MTOR: variants seen among roughly 807,000 people sequenced by gnomAD.
MTOR encodes serine/threonine-protein kinase mTOR.
In MTOR, 70 loss-of-function variants were observed where a neutral mutation model predicts 319.8. The observed-to-expected ratio is 0.22, with a 90% CI of 0.18 to 0.27. MTOR has a LOEUF of 0.27. Among genes scored for constraint, MTOR ranks in the 10% least tolerant of loss-of-function variants. MTOR has a pLI of 1.00. For synonymous variants in MTOR, 1,183 were observed against 1,211.4 expected (o/e 0.98, Z 0.49); for missense variants, 1,890 against 3,274.4 (o/e 0.58, Z 10.32).
chr1:11,260,038 G>C (rs991698848), intron 1 of MTOR, among the ~76,000 whole-genome samples: 1 of 152,154 alleles, frequency 6.6e-6, no homozygotes, highest in Admixed American at 6.5e-5. Flanking sequence ...GACTTAATAC[G>C]TGTCAAAAAG....
chr1:11,200,487 C>T (rs1323275751), intron 26 of MTOR, among the ~76,000 whole-genome samples: 1 of 152,170 alleles, frequency 6.6e-6, no homozygotes, highest in Non-Finnish European at 1.5e-5. Context: ...CCATCCCTTA[C>T]ATCTAACATT....
chr1:11,256,933 A>G lies in MTOR; in HGVS notation c.504T>C (p.Ala168=). 6.2e-7 allele frequency: 1 copy of G among 1,612,996 alleles called. No homozygotes were observed. Among genetic ancestry groups the G allele is most frequent in the South Asian group, 1.1e-5 (1 of 90,786 alleles). The change falls in exon 4 of 58, where the codon GCT becomes GCC. Residue 168 remains alanine (A), a splice_region_variant and synonymous_variant. Transcript: ENST00000361445. ...ADRNEGRRHA[A]VLVLRELAIS... ...TGTGCTCCTCCCTGTAGACACTCAC[A>G]GCTGCATGTCTCCGGCCCTCATTGC...
In MTOR at chr1:11,232,924, C is replaced by T. The variant is rs575085640; in HGVS notation, c.2422-396G>A. The stretch of plus-strand genomic sequence containing the variant: ...TTTTAAAAAAGCCCTCTCTTCCTTT[C>T]TCCACCATCATGGTGTGTGCCTGAC... On this transcript the variant is annotated intron_variant, in intron 15 of 57. Transcript: ENST00000361445. 1.3e-5 allele frequency: 9 copies of T among 670,318 alleles called. No homozygotes were observed. The Admixed American group carries it at 1.6e-4, about 12-fold the overall frequency. The allele number at this position is 670,318 out of a possible 1,614,324, so 41.5% of individuals were successfully genotyped here. A position where few individuals can be genotyped will look rare whatever the true frequency, so the allele number is the denominator to read the frequency against.
intron 34 of MTOR, among the ~76,000 whole-genome samples, chr1:11,142,095 T>C (rs377304666): frequency 6.6e-6 from 1 of 152,118 alleles, no homozygotes; most frequent in Admixed American, 6.6e-5. Flanking sequence ...CTAACAACTA[T>C]AGAGAGTCAG....
At chr1:11,259,563 A>T in intron 1 of MTOR, 140 bp from the exon 2 acceptor site, 1 of 882,856 alleles carries the variant, frequency 1.1e-6, no homozygotes, top group East Asian at 2.8e-5. Context: ...GATCTGATTG[A>T]GGAACATTTA....
chr1:11,192,905 T>C (rs1571124534), intron 28 of MTOR, among the ~76,000 whole-genome samples: 2 of 152,104 alleles, frequency 1.3e-5, no homozygotes, highest in African/African-American at 4.8e-5. Flanking sequence ...CCTTCTAACA[T>C]AGATCAGATC....
chr1:11,146,826 G>C, intron 31 of MTOR, 35 bp from the exon 32 acceptor site: 2 of 1,538,582 alleles, frequency 1.3e-6, no homozygotes, highest in Non-Finnish European at 1.8e-6. Flanking sequence ...AGCATCAAGG[G>C]GGTTGGCTGG....
intron 51 of MTOR, 35 bp from the exon 52 acceptor site, chr1:11,114,922 G>A (rs1557740046): frequency 6.3e-7 from 1 of 1,596,518 alleles, no homozygotes; most frequent in Non-Finnish European, 8.6e-7. Flanking sequence ...CCAAATCAAT[G>A]TTTATTTTCT....
intron 11 of MTOR, among the ~76,000 whole-genome samples, chr1:11,239,017 G>A (rs112895143): frequency 0.011 from 1,589 of 150,620 alleles, 37 homozygotes; most frequent in African/African-American, 0.037. Context: ...CTTGTGATCC[G>A]CCCGCCTCGG....
At position 11,117,024 on chromosome 1, in the gene MTOR, A is replaced by G. The variant is rs772779078; in HGVS notation, c.6996T>C (p.Tyr2332=). The change falls in exon 50 of 58, where the codon TAT becomes TAC. Residue 2332 remains tyrosine, a synonymous_variant. Coordinates refer to ENST00000361445, the MANE Select transcript of MTOR (RefSeq NM_004958.4). ...CTCACCTATCTCCCAGGCCTAAAAT[A>G]TACCCAACCATTGACATGACCGCTA... is the stretch of plus-strand genomic sequence containing the variant. The part of the protein sequence containing the change: ...RSLAVMSMVG[Y]ILGLGDRHPS... 1.2e-6 allele frequency: 2 copies of G among 1,612,900 alleles called. No individual in the cohort carries two copies. Among genetic ancestry groups the G allele is most frequent in the East Asian group, 4.5e-5 (2 of 44,872 alleles).
chr1:11,129,505 C>T lies in MTOR; in HGVS notation c.5714+233G>A. On this transcript the variant is annotated intron_variant, in intron 40 of 57. Coordinates refer to ENST00000361445, the MANE Select transcript of MTOR (RefSeq NM_004958.4). The surrounding 1 kb of genome is among the most constrained non-coding windows in gnomAD (Gnocchi z 4.7). Reference sequence around the variant, plus strand: ...GGTTAATAATCCCTCCATAATAAACCACACATGGAGAGTTCTCACTCCACT... The same window carrying T: ...GGTTAATAATCCCTCCATAATAAACTACACATGGAGAGTTCTCACTCCACT... Among the ~76,000 whole-genome samples, 1 of 152,168 alleles carries T rather than the reference C, an allele frequency of 6.6e-6. No homozygotes were observed. Among genetic ancestry groups the T allele is most frequent in the East Asian group, 1.9e-4 (1 of 5,192 alleles).
At chr1:11,249,735 G>A (rs1316103063) in intron 6 of MTOR, among the ~76,000 whole-genome samples, 1 of 143,658 alleles carries the variant, frequency 7.0e-6, no homozygotes, top group Non-Finnish European at 1.5e-5. Flanking sequence ...AGGGTTGGGG[G>A]TAAGGTCACA....
intron 49 of MTOR, among the ~76,000 whole-genome samples, chr1:11,117,311 C>T (rs1642221968): frequency 6.6e-6 from 1 of 152,182 alleles, no homozygotes; most frequent in South Asian, 2.1e-4. Context: ...CAGGCACCCG[C>T]CACCATGCCC....
rs376328806 is a variant in MTOR, at chr1:11,148,587, TCTC to T, written c.4570+1536_4570+1538del. On this transcript the variant is annotated intron_variant, in intron 31 of 57. Coordinates refer to ENST00000361445, the MANE Select transcript of MTOR (RefSeq NM_004958.4). ...CTGGATGCAGGAACCTAAAGAGACT[TCTC>T]CTCATCTCTCTTTAAAACAAAAAAA... Among the ~76,000 whole-genome samples, 645 of 152,148 alleles carry T rather than the reference TCTC, an allele frequency of 4.2e-3. 6 individuals carry two copies. Among genetic ancestry groups the T allele is most frequent in the African/African-American group, 0.015 (608 of 41,498 alleles).
intron 29 of MTOR, among the ~76,000 whole-genome samples, chr1:11,166,501 C>T (rs1221494502): frequency 6.6e-6 from 1 of 152,168 alleles, no homozygotes; most frequent in Non-Finnish European, 1.5e-5. Context: ...AAAAAATGCT[C>T]ATCACTGGCC....
chr1:11,201,274 T>C (rs1349149981), intron 26 of MTOR, among the ~76,000 whole-genome samples: 9 of 152,162 alleles, frequency 5.9e-5, no homozygotes, highest in South Asian at 2.1e-4. Context: ...AAGCCTCTCA[T>C]GGATAACACT....
chr1:11,234,182 G>T lies in MTOR; in HGVS notation c.2292C>A (p.Ala764=), dbSNP rs1185550432. 2 of 1,614,008 alleles carry T rather than the reference G, an allele frequency of 1.2e-6. No individual in the cohort carries two copies. The highest frequency in any genetic ancestry group is 2.7e-5 in the African/African-American group (2 of 74,898). ...CCATGTAGGGGCGGATGAGTCGGGG[G>T]GCATTGGAGACCAGGTGCCCCAGCA... The part of the protein sequence containing the change: ...ARMLGHLVSN[A]PRLIRPYMEP... The change falls in exon 14 of 58, where the codon GCC becomes GCA. Residue 764 remains alanine (A), a synonymous_variant. Coordinates refer to ENST00000361445, the MANE Select transcript of MTOR (RefSeq NM_004958.4).
intron 25 of MTOR, among the ~76,000 whole-genome samples, chr1:11,207,331 G>A (rs916796288): frequency 2.0e-5 from 3 of 151,784 alleles, no homozygotes; most frequent in Non-Finnish European, 2.9e-5. Context: ...TGAACTCCTG[G>A]GCTCGAGTAA....
In MTOR at chr1:11,106,656, T is replaced by C. The variant is rs2536; in HGVS notation, c.*829A>G. The stretch of plus-strand genomic sequence containing the variant: ...TTGAGTATTTGTTCTGCTCATAATT[T>C]CCAATATGTACCAGACCTTCCCTGT... On this transcript the variant is annotated 3_prime_UTR_variant, in exon 58 of 58. Transcript: ENST00000361445. The C allele has an allele frequency of 0.032, 35,511 of 1,105,044 alleles. 991 individuals carry two copies. The highest frequency in any genetic ancestry group is 0.11 in the South Asian group (3,017 of 26,872). 68.5% of individuals were successfully genotyped at this position (1,105,044 alleles called of 1,614,324 possible).
Sources: allele counts gnomAD v4.1 joint callset (sites outside exome capture counted in the v4.1 genomes callset), GRCh38; gene constraint gnomAD v4.1.1; non-coding constraint Gnocchi (gnomAD v3.1); transcripts MANE v1.5; gene names NCBI Gene and HGNC (gene_info 2026-07-23, HGNC 2026-07-21).